Variants in GABRG1 observed in about 807,000 individuals in gnomAD.
GABRG1 encodes the protein gamma-aminobutyric acid type A receptor subunit gamma1, also known as gamma-aminobutyric acid receptor subunit gamma-1.
Under a neutral mutation model 49.8 loss-of-function variants are expected in GABRG1, and 49 were observed. That is an observed-to-expected ratio of 0.98 (90% CI 0.78 to 1.25). GABRG1 has a LOEUF of 1.25. Among genes scored for constraint, GABRG1 ranks in the 50% most tolerant of loss-of-function variants. The pLI is 0.00. For synonymous variants in GABRG1, 232 were observed against 185.1 expected, an observed-to-expected ratio of 1.25 and a Z score of -2.06; for missense variants, 552 against 552.3, an observed-to-expected ratio of 1.00 and a Z score of 0.01.
At chr4:46,079,439 C>A (rs1216450982) in intron 3 of GABRG1, among the ~76,000 whole-genome samples, 5 of 151,864 alleles carry the variant, frequency 3.3e-5, no homozygotes, top group Non-Finnish European at 7.4e-5. Flanking sequence ...GAAGTATATT[C>A]TAGGACTGTG....
intron 1 of GABRG1, among the ~76,000 whole-genome samples, chr4:46,105,795 A>AGATAGAT (rs1444779883): frequency 8.3e-6 from 1 of 121,204 alleles, no homozygotes; most frequent in Non-Finnish European, 1.9e-5. Flanking sequence ...GATAGATGAT[A>AGATAGAT]GATAGATAGA....
In GABRG1 at chr4:46,085,707, C is replaced by T. The variant is rs1719730075; in HGVS notation, c.254-1654G>A. 2.0e-5 allele frequency among the ~76,000 whole-genome samples: 3 copies of T among 151,380 alleles called. No homozygotes were observed. The South Asian group carries it at 6.2e-4, about 31-fold the overall frequency. ...AAAAAAAACCAGAAATCTGTAATTG[C>T]TTCTTAATAATGACTCATTGTTGCT... On this transcript the variant is annotated intron_variant, in intron 2 of 8. Transcript: ENST00000295452.
At chr4:46,078,946 T>C (rs1719460319) in intron 3 of GABRG1, among the ~76,000 whole-genome samples, 1 of 151,954 alleles carries the variant, frequency 6.6e-6, no homozygotes, top group African/African-American at 2.4e-5. Context: ...TAAGGTTGGA[T>C]ACTTGGCCAT....
intron 3 of GABRG1, among the ~76,000 whole-genome samples, chr4:46,076,400 T>A (rs1719333400): frequency 7.0e-6 from 1 of 142,852 alleles, no homozygotes; most frequent in Non-Finnish European, 1.5e-5. Context: ...TATATATATA[T>A]ATATGCTAAA....
At chr4:46,075,951 G>C (rs1719309436) in intron 3 of GABRG1, among the ~76,000 whole-genome samples, 1 of 152,006 alleles carries the variant, frequency 6.6e-6, no homozygotes. Context: ...GGAGATTCAG[G>C]AGGGTGGAGT....
rs1028155092 is a variant in GABRG1 at position 46,039,018 on chromosome 4, C to A, written c.*1970G>T. On this transcript the variant is annotated 3_prime_UTR_variant, in exon 9 of 9. Coordinates refer to ENST00000295452, the MANE Select transcript of GABRG1 (RefSeq NM_173536.4). ...TGCTCAGATACACTTGAAAGAGTCC[C>A]AAAATCAAAACTGTCTCATGATAGT... is the stretch of plus-strand genomic sequence containing the variant. The A allele has an allele frequency of 6.6e-6, 1 of 151,500 alleles. No individual in the cohort carries two copies. Among genetic ancestry groups the A allele is most frequent in the Non-Finnish European group, 1.5e-5 (1 of 67,658 alleles). 9.4% of individuals were successfully genotyped at this position (151,500 alleles called of 1,614,324 possible).
intron 1 of GABRG1, among the ~76,000 whole-genome samples, chr4:46,118,974 C>G (rs1377070522): frequency 6.6e-6 from 1 of 151,146 alleles, no homozygotes; most frequent in Non-Finnish European, 1.5e-5. Context: ...TATGGTTTGT[C>G]TACTACATCT....
At chr4:46,082,164 C>G (rs1033153289) in intron 3 of GABRG1, among the ~76,000 whole-genome samples, 9 of 151,746 alleles carry the variant, frequency 5.9e-5, no homozygotes, top group Admixed American at 2.6e-4. Flanking sequence ...TAAAATAATG[C>G]TGGTTGCTCA....
chr4:46,042,310 G>C (rs1271542721), intron 8 of GABRG1, among the ~76,000 whole-genome samples: 1 of 151,842 alleles, frequency 6.6e-6, no homozygotes, highest in Non-Finnish European at 1.5e-5. Context: ...CAAAGTCCTA[G>C]ACCACATAAA....
chr4:46,120,883 C>T (rs1577675496), intron 1 of GABRG1, among the ~76,000 whole-genome samples: 2 of 151,714 alleles, frequency 1.3e-5, no homozygotes, highest in East Asian at 3.9e-4. Flanking sequence ...CTTTTGGTAA[C>T]AGCTAAAATA....
intron 1 of GABRG1, among the ~76,000 whole-genome samples, chr4:46,120,685 T>C (rs1434953778): frequency 6.6e-6 from 1 of 151,726 alleles, no homozygotes; most frequent in Non-Finnish European, 1.5e-5. Context: ...ACACAAAACA[T>C]ACTACTGAAA....
At chr4:46,095,157 A>G (rs1284153825) in intron 2 of GABRG1, among the ~76,000 whole-genome samples, 1 of 151,792 alleles carries the variant, frequency 6.6e-6, no homozygotes, top group Non-Finnish European at 1.5e-5. Context: ...CAATGAATCA[A>G]CTAAAAACAG....
intron 2 of GABRG1, 94 bp from the exon 3 acceptor site, chr4:46,084,147 A>G (rs951504168): frequency 3.0e-6 from 2 of 660,296 alleles, no homozygotes; most frequent in Non-Finnish European, 5.4e-6. Context: ...AACTACTTAT[A>G]TATTAACACT....
At chr4:46,041,373 A>C in intron 8 of GABRG1, 119 bp from the exon 9 acceptor site, 1 of 844,388 alleles carries the variant, frequency 1.2e-6, no homozygotes, top group Non-Finnish European at 1.8e-6. Flanking sequence ...CTTGATTTCA[A>C]AAAATCAAGT....
At chr4:46,117,646 A>T (rs1431557057) in intron 1 of GABRG1, among the ~76,000 whole-genome samples, 1 of 144,732 alleles carries the variant, frequency 6.9e-6, no homozygotes, top group African/African-American at 2.5e-5. Context: ...ACATATATAC[A>T]TATATATGTA....
chr4:46,106,641 A>G (rs1467293781), intron 1 of GABRG1, among the ~76,000 whole-genome samples: 1 of 151,420 alleles, frequency 6.6e-6, no homozygotes, highest in Non-Finnish European at 1.5e-5. Context: ...TAAGCTCAGG[A>G]TGGATAATAT....
chr4:46,084,516 T>C (rs989782017), intron 2 of GABRG1, among the ~76,000 whole-genome samples: 1 of 151,632 alleles, frequency 6.6e-6, no homozygotes, highest in Non-Finnish European at 1.5e-5. Flanking sequence ...TTTTTCAATC[T>C]GACAGAGCCC....
chr4:46,093,444 C>T (rs1720065855), intron 2 of GABRG1, among the ~76,000 whole-genome samples: 1 of 151,868 alleles, frequency 6.6e-6, no homozygotes, highest in Non-Finnish European at 1.5e-5. Context: ...ATGATGGTTA[C>T]CAGAGGGTAG....
chr4:46,047,065 G>A (rs1361349952), intron 8 of GABRG1, among the ~76,000 whole-genome samples: 3 of 152,018 alleles, frequency 2.0e-5, no homozygotes, highest in Admixed American at 6.6e-5. Flanking sequence ...TTTCTGTGAT[G>A]ACAATGTTCT....
Sources: gnomAD v4.1 joint callset for allele counts (sites outside exome capture counted in the v4.1 genomes callset) on GRCh38, gnomAD v4.1.1 for gene constraint, MANE v1.5 for transcripts, NCBI Gene and HGNC (gene_info 2026-07-23, HGNC 2026-07-21) for gene names.